Variants in ADGRL4 observed in about 807,000 individuals in gnomAD.
ADGRL4 encodes EGF, latrophilin and seven transmembrane domain containing 1.
In ADGRL4, 90 loss-of-function variants were observed where a neutral mutation model predicts 74.8. The ratio of observed to expected loss-of-function variants is 1.20; its 90% confidence interval spans 1.02 to 1.43. The LOEUF is 1.43. Among genes scored for constraint, ADGRL4 ranks in the 40% most tolerant of loss-of-function variants. The probability of loss-of-function intolerance (pLI) is 0.00; values close to 1 mark genes in which losing one functional copy is unlikely to be tolerated. For synonymous variants in ADGRL4, 311 were observed against 279.2 expected (o/e 1.11, Z -1.14); for missense variants, 881 against 814.3 (o/e 1.08, Z -1.00).
rs79745799 is a variant in ADGRL4, at chr1:79,002,430, A to G, written c.172+2640T>C. 9.4e-3 allele frequency among the ~76,000 whole-genome samples: 1,438 copies of G among 152,246 alleles called. 25 individuals carry two copies. The highest frequency in any genetic ancestry group is 0.031 in the African/African-American group (1,299 of 41,576). ...CATGTATGATATTTTTAAAGGAGTT[A>G]CAAGAATTTCATGCCAGATATATAT... On this transcript the variant is annotated intron_variant, in intron 2 of 14. Transcript: ENST00000370742.
rs1557504714 is a variant in ADGRL4, at chr1:78,937,908, G to A, written c.659C>T (p.Thr220Ile). 1.2e-6 allele frequency: 2 copies of A among 1,613,872 alleles called. No individual in the cohort carries two copies. Among genetic ancestry groups the A allele is most frequent in the Admixed American group, 3.3e-5 (2 of 60,016 alleles). Reference sequence around the variant, plus strand: ...AGTGTGCATGAGTTTTGTAAGATGTGTTCTCCTATGATTCACAGATAACTT... The same window carrying A: ...AGTGTGCATGAGTTTTGTAAGATGTATTCTCCTATGATTCACAGATAACTT... ...WDKLSVNHRR[T>I]HLTKLMHTVE... The change falls in exon 6 of 15, where the codon ACA becomes ATA. Residue 220 changes from threonine to isoleucine, a missense_variant. Thr to Ile is a moderately conservative substitution (Grantham distance 89, BLOSUM62 -1). Coordinates refer to ENST00000370742, the MANE Select transcript of ADGRL4 (RefSeq NM_022159.4).
rs370109427 is a variant in ADGRL4 at position 78,891,067 on chromosome 1, A to T, written c.*87T>A. Reference sequence around the variant, plus strand: ...TTGTCTAGTAGTTAATAATTGGATAATTTGATGAGTCATTTTTATACATTG... The same window carrying T: ...TTGTCTAGTAGTTAATAATTGGATATTTTGATGAGTCATTTTTATACATTG... On this transcript the variant is annotated 3_prime_UTR_variant, in exon 15 of 15. Coordinates refer to ENST00000370742, the MANE Select transcript of ADGRL4 (RefSeq NM_022159.4). 1.1e-5 allele frequency: 14 copies of T among 1,325,240 alleles called. No individual in the cohort carries two copies. The African/African-American group carries it at 1.4e-4, about 14-fold the overall frequency. The allele number at this position is 1,325,240 out of a possible 1,614,324, so 82.1% of individuals were successfully genotyped here. A position where few individuals can be genotyped will look rare whatever the true frequency, so the allele number is the denominator to read the frequency against.
At chr1:78,948,434 A>G (rs926313501) in intron 2 of ADGRL4, among the ~76,000 whole-genome samples, 1 of 152,190 alleles carries the variant, frequency 6.6e-6, no homozygotes, top group African/African-American at 2.4e-5. Context: ...AAAAATTTTA[A>G]AAGCATATTT....
intron 3 of ADGRL4, 81 bp from the exon 4 acceptor site, chr1:78,939,339 T>C: frequency 8.1e-7 from 1 of 1,230,532 alleles, no homozygotes; most frequent in Non-Finnish European, 1.1e-6. Flanking sequence ...CCAATGATCT[T>C]TCTCACTTAT....
intron 12 of ADGRL4, among the ~76,000 whole-genome samples, chr1:78,906,125 A>G (rs1648629416): frequency 6.6e-6 from 1 of 152,026 alleles, no homozygotes; most frequent in Non-Finnish European, 1.5e-5. Flanking sequence ...AAATTCATTA[A>G]TCTAAGACTT....
At chr1:78,999,381 A>G (rs772558657) in intron 2 of ADGRL4, among the ~76,000 whole-genome samples, 1 of 152,188 alleles carries the variant, frequency 6.6e-6, no homozygotes, top group Non-Finnish European at 1.5e-5. Flanking sequence ...AGGAATTAAA[A>G]TGTATTATAA....
chr1:78,907,210 A>G (rs1648662501), intron 12 of ADGRL4, among the ~76,000 whole-genome samples: 1 of 152,082 alleles, frequency 6.6e-6, no homozygotes, highest in Non-Finnish European at 1.5e-5. Context: ...ATTTTCTAAG[A>G]AAAAAGTAAA....
chr1:78,991,378 A>G (rs547299121), intron 2 of ADGRL4, among the ~76,000 whole-genome samples: 9 of 152,132 alleles, frequency 5.9e-5, no homozygotes, highest in Non-Finnish European at 8.8e-5. Context: ...GAATTTACAA[A>G]TTTCACAATT....
intron 2 of ADGRL4, among the ~76,000 whole-genome samples, chr1:78,950,750 G>A (rs1649706055): frequency 6.6e-6 from 1 of 152,068 alleles, no homozygotes; most frequent in Non-Finnish European, 1.5e-5. Flanking sequence ...GTGGGGCTTG[G>A]AGATTGAATG....
intron 12 of ADGRL4, among the ~76,000 whole-genome samples, chr1:78,898,892 A>T (rs539243774): frequency 6.6e-6 from 1 of 152,292 alleles, no homozygotes; most frequent in East Asian, 1.9e-4. Context: ...AAAAAAAACA[A>T]GAAATTTAAG....
intron 2 of ADGRL4, among the ~76,000 whole-genome samples, chr1:78,989,609 TTGGGAA>T (rs566733591): frequency 6.5e-4 from 99 of 151,820 alleles, no homozygotes; most frequent in African/African-American, 2.3e-3. Context: ...TTTGTGGAGT[TTGGGAA>T]AAGCAGAAGA....
chr1:78,949,372 G>A (rs115216050), intron 2 of ADGRL4, among the ~76,000 whole-genome samples: 1,756 of 152,108 alleles, frequency 0.012, 38 homozygotes, highest in African/African-American at 0.04. Flanking sequence ...GGTTTTGAGC[G>A]CTTGACCTCT....
chr1:78,940,967 T>C (rs374592646), intron 3 of ADGRL4, among the ~76,000 whole-genome samples: 2 of 152,190 alleles, frequency 1.3e-5, no homozygotes, highest in Non-Finnish European at 2.9e-5. Flanking sequence ...GGTCAGCTAA[T>C]AGCCCAGGCC....
At chr1:78,948,265 T>C (rs1649650647) in intron 2 of ADGRL4, among the ~76,000 whole-genome samples, 1 of 151,910 alleles carries the variant, frequency 6.6e-6, no homozygotes, top group Non-Finnish European at 1.5e-5. Flanking sequence ...ACCAACAACT[T>C]TGAGATATGA....
At chr1:79,004,649 C>T (rs902904327) in intron 2 of ADGRL4, among the ~76,000 whole-genome samples, 4 of 151,988 alleles carry the variant, frequency 2.6e-5, no homozygotes, top group African/African-American at 4.8e-5. Context: ...CAAATATAGG[C>T]GGTCAAGTAC....
rs910512047 is a variant in ADGRL4 at position 78,890,758 on chromosome 1, C to T, written c.*396G>A. ...CACTTTCTGTAATGGAGCTCATTACCGAGGTGGTAGGGGACTAGTTTCAAA... is the reference window on the plus strand; with the variant it reads ...CACTTTCTGTAATGGAGCTCATTACTGAGGTGGTAGGGGACTAGTTTCAAA... On this transcript the variant is annotated 3_prime_UTR_variant, in exon 15 of 15. Coordinates refer to ENST00000370742, the MANE Select transcript of ADGRL4 (RefSeq NM_022159.4). The T allele has an allele frequency of 7.5e-5, 13 of 172,294 alleles. No homozygotes were observed. The highest frequency in any genetic ancestry group is 4.9e-4 in the Admixed American group (8 of 16,326). The allele number at this position is 172,294 out of a possible 1,614,324, so 10.7% of individuals were successfully genotyped here.
At chr1:78,891,717 G>C (rs1296667741) in intron 13 of ADGRL4, 25 bp from the exon 14 acceptor site, 1 of 1,591,018 alleles carries the variant, frequency 6.3e-7, no homozygotes, top group East Asian at 2.2e-5. Flanking sequence ...AAATGCGTCA[G>C]TGAAGAAAGC....
chr1:78,914,156 C>T (rs191642714), intron 12 of ADGRL4, among the ~76,000 whole-genome samples: 226 of 151,902 alleles, frequency 1.5e-3, no homozygotes, highest in African/African-American at 5.3e-3. Flanking sequence ...TCTGCCCTTT[C>T]GCAATCATAT....
intron 10 of ADGRL4, among the ~76,000 whole-genome samples, chr1:78,918,763 T>TA (rs1040215451): frequency 6.6e-6 from 1 of 151,778 alleles, no homozygotes; most frequent in Admixed American, 6.6e-5. Context: ...CCTATCCCAT[T>TA]AAAAAAACAG....
Sources: gnomAD v4.1 joint callset for allele counts (sites outside exome capture counted in the v4.1 genomes callset) on GRCh38, gnomAD v4.1.1 for gene constraint, MANE v1.5 for transcripts, NCBI Gene and HGNC (gene_info 2026-07-23, HGNC 2026-07-21) for gene names.